Variants in SNX24 observed in about 807,000 individuals in gnomAD.
The protein encoded by SNX24 is sorting nexin 24.
In SNX24, 22 loss-of-function variants were observed where a neutral mutation model predicts 28.7. The observed-to-expected ratio is 0.77, with a 90% CI of 0.55 to 1.10. The LOEUF (loss-of-function observed/expected upper bound fraction) is 1.10. SNX24 is among the 50% of genes least tolerant of loss of function. The pLI, the probability that SNX24 is intolerant of heterozygous loss-of-function variation, is 0.00. For synonymous variants in SNX24, 69 were observed against 71.5 expected (o/e 0.96, Z 0.18); for missense variants, 221 against 201.1 (o/e 1.10, Z -0.60).
At chr5:122,919,509 G>A (rs1003842321) in intron 1 of SNX24, among the ~76,000 whole-genome samples, 6 of 151,600 alleles carry the variant, frequency 4.0e-5, no homozygotes, top group African/African-American at 1.5e-4. Flanking sequence ...GAAGATTATA[G>A]TAGCTTCTGT....
Position 122,921,324 on chromosome 5 carries a change from C to T in SNX24, c.61-15410C>T, listed in dbSNP as rs114117328. ...TAAAAGGATAGCTTTGGCAAAGCCA[C>T]GGTGAGGGATAGAGGGGTTGGTCAC... On this transcript the variant is annotated intron_variant, in intron 1 of 6. Transcript: ENST00000261369. Among the ~76,000 whole-genome samples, 317 of 152,152 alleles carry T rather than the reference C, an allele frequency of 2.1e-3. 1 individual carries two copies. Among genetic ancestry groups the T allele is most frequent in the African/African-American group, 7.2e-3 (300 of 41,516 alleles).
intron 2 of SNX24, among the ~76,000 whole-genome samples, chr5:122,937,676 A>G (rs1759236230): frequency 6.6e-6 from 1 of 152,152 alleles, no homozygotes; most frequent in African/African-American, 2.4e-5. Flanking sequence ...GCTCTAAGTT[A>G]TTGGTACACT....
intron 2 of SNX24, among the ~76,000 whole-genome samples, chr5:122,940,365 A>G (rs1759386648): frequency 2.0e-5 from 3 of 152,058 alleles, no homozygotes; most frequent in Admixed American, 1.3e-4. Flanking sequence ...TACTTTAACC[A>G]TTTCAGATCC....
downstream of SNX24, among the ~76,000 whole-genome samples, chr5:123,011,680 G>T (rs990679455): frequency 4.6e-5 from 7 of 152,198 alleles, no homozygotes; most frequent in Non-Finnish European, 8.8e-5. Flanking sequence ...ACAAGTGTTG[G>T]TGAGGAGGTG....
At chr5:122,928,984 C>G (rs761872122) in intron 1 of SNX24, among the ~76,000 whole-genome samples, 4 of 151,856 alleles carry the variant, frequency 2.6e-5, no homozygotes, top group Non-Finnish European at 4.4e-5. Context: ...ACACTAATAT[C>G]TGTTAATTTG....
chr5:122,919,833 G>A (rs1056456785), intron 1 of SNX24, among the ~76,000 whole-genome samples: 1 of 152,098 alleles, frequency 6.6e-6, no homozygotes, highest in African/African-American at 2.4e-5. Context: ...ATGCATCAGG[G>A]CCCAACAAAC....
chr5:122,934,611 G>T (rs1412778113), intron 1 of SNX24, among the ~76,000 whole-genome samples: 1 of 152,166 alleles, frequency 6.6e-6, no homozygotes. Flanking sequence ...ACCTGCCTCG[G>T]CCTCGCAAAG....
chr5:122,909,903 G>A (rs1157998482), intron 1 of SNX24, among the ~76,000 whole-genome samples: 1 of 152,130 alleles, frequency 6.6e-6, no homozygotes, highest in African/African-American at 2.4e-5. Context: ...TCACTGGTGT[G>A]GTTATCTTTC....
intron 3 of SNX24, among the ~76,000 whole-genome samples, chr5:122,948,361 C>T (rs1010615454): frequency 2.6e-5 from 4 of 152,124 alleles, no homozygotes; most frequent in African/African-American, 9.7e-5. Context: ...ATGCCACCAG[C>T]ACTTTCTCAG....
chr5:122,986,141 T>C (rs1207873935), intron 3 of SNX24, among the ~76,000 whole-genome samples: 1 of 152,150 alleles, frequency 6.6e-6, no homozygotes, highest in Admixed American at 6.5e-5. Flanking sequence ...AAGTGGACAG[T>C]GATGGGTCAT....
At chr5:123,012,652 TATGTC>T (rs1053043380), downstream of SNX24, among the ~76,000 whole-genome samples, 15 of 152,230 alleles carry the variant, frequency 9.9e-5, no homozygotes, top group Non-Finnish European at 1.3e-4. Context: ...AAATAAATTT[TATGTC>T]ATGTATATTT....
chr5:122,938,939 C>CAA (rs1033177759), intron 2 of SNX24, among the ~76,000 whole-genome samples: 224 of 1,442 alleles, frequency 0.16, 87 homozygotes, highest in Admixed American at 0.25. Flanking sequence ...GACTCCGTCT[C>CAA]AAAAAAAAAA....
At chr5:122,993,986 G>A (rs1761960573) in intron 3 of SNX24, among the ~76,000 whole-genome samples, 1 of 152,168 alleles carries the variant, frequency 6.6e-6, no homozygotes, top group South Asian at 2.1e-4. Flanking sequence ...CTTAGCTTTT[G>A]TGACAAAGAG....
intron 3 of SNX24, among the ~76,000 whole-genome samples, chr5:122,953,800 CAGT>C (rs1760075310): frequency 6.6e-6 from 1 of 151,990 alleles, no homozygotes; most frequent in South Asian, 2.1e-4. Context: ...TTTTTGTAAA[CAGT>C]AATTAAATGT....
At chr5:122,877,442 A>G (rs915281582) in intron 1 of SNX24, among the ~76,000 whole-genome samples, 2 of 152,230 alleles carry the variant, frequency 1.3e-5, no homozygotes, top group African/African-American at 4.8e-5. Context: ...GTGGTCCAGG[A>G]TGAAGGTGTG....
intron 1 of SNX24, among the ~76,000 whole-genome samples, chr5:122,889,143 G>A (rs958998351): frequency 1.1e-4 from 17 of 152,246 alleles, no homozygotes; most frequent in African/African-American, 3.1e-4. Context: ...TTGAGCTACC[G>A]TGCCTGGCCA....
chr5:122,917,086 G>T (rs1758207841), intron 1 of SNX24, among the ~76,000 whole-genome samples: 1 of 152,052 alleles, frequency 6.6e-6, no homozygotes, highest in African/African-American at 2.4e-5. Context: ...GGCCAACATG[G>T]TGAAACTCCG....
intron 1 of SNX24, among the ~76,000 whole-genome samples, chr5:122,927,383 G>T (rs1002407648): frequency 2.3e-5 from 2 of 88,742 alleles, no homozygotes; most frequent in Non-Finnish European, 4.0e-5. Flanking sequence ...GACTAAATAG[G>T]TTTTTTGTAG....
intron 1 of SNX24, among the ~76,000 whole-genome samples, chr5:122,905,337 A>G (rs1757604434): frequency 6.6e-6 from 1 of 152,116 alleles, no homozygotes; most frequent in African/African-American, 2.4e-5. Context: ...GAGAGGTCCC[A>G]CCACTCCTGA....
Sources: gnomAD v4.1 joint callset for allele counts (sites outside exome capture counted in the v4.1 genomes callset) on GRCh38, gnomAD v4.1.1 for gene constraint, MANE v1.5 for transcripts, NCBI Gene and HGNC (gene_info 2026-07-23, HGNC 2026-07-21) for gene names.